FHIT: variants seen among roughly 807,000 people sequenced by gnomAD.
FHIT encodes fragile histidine triad diadenosine triphosphatase.
Under a neutral mutation model 17.9 loss-of-function variants are expected in FHIT, and 19 were observed. That is an observed-to-expected ratio of 1.06 (90% CI 0.74 to 1.56). The LOEUF is 1.56. FHIT is among the 40% of genes most tolerant of loss of function. The pLI is 0.00. For synonymous variants in FHIT, 81 were observed against 69.7 expected (o/e 1.16, Z -0.81); for missense variants, 248 against 189.2 (o/e 1.31, Z -1.82).
At chr3:60,521,508 A>C (rs980088964) in intron 5 of FHIT, among the ~76,000 whole-genome samples, 4 of 152,104 alleles carry the variant, frequency 2.6e-5, no homozygotes, top group African/African-American at 9.7e-5. Context: ...CGGCCTCCCA[A>C]AGTGCTGGGA....
chr3:60,426,330 C>T (rs112115795), intron 5 of FHIT, among the ~76,000 whole-genome samples: 9 of 152,212 alleles, frequency 5.9e-5, no homozygotes, highest in African/African-American at 2.2e-4. Flanking sequence ...ATCTCCATTG[C>T]TCTAAAGTCT....
chr3:60,066,282 T>G (rs1037269790), intron 5 of FHIT, among the ~76,000 whole-genome samples: 1 of 152,200 alleles, frequency 6.6e-6, no homozygotes, highest in Non-Finnish European at 1.5e-5. Flanking sequence ...CTCATTTTTA[T>G]CTTGATACTC....
At position 60,646,242 on chromosome 3, in the gene FHIT, T is replaced by A. The variant is rs567328761; in HGVS notation, c.-17-109263A>T. Among the ~76,000 whole-genome samples, 4 of 152,180 alleles carry A rather than the reference T, an allele frequency of 2.6e-5. No individual in the cohort carries two copies. In the East Asian group the frequency reaches 7.7e-4, roughly 29 times the overall value. On this transcript the variant is annotated intron_variant, in intron 4 of 9. Coordinates refer to ENST00000492590, the MANE Select transcript of FHIT (RefSeq NM_002012.4). Reference sequence around the variant, plus strand: ...AATTCCTACTGGTTATAACCTGAAATGGGAAGTAATACATGGTCAAGAATG... The same window carrying A: ...AATTCCTACTGGTTATAACCTGAAAAGGGAAGTAATACATGGTCAAGAATG...
intron 2 of FHIT, among the ~76,000 whole-genome samples, chr3:61,096,823 A>G (rs2035653467): frequency 6.6e-6 from 1 of 152,188 alleles, no homozygotes. Context: ...TGAGCTGGAA[A>G]AAAGAGGCCG....
chr3:61,209,659 C>G (rs2039388507), intron 1 of FHIT, among the ~76,000 whole-genome samples: 2 of 152,170 alleles, frequency 1.3e-5, no homozygotes, highest in African/African-American at 4.8e-5. Context: ...GTTTTCAGCT[C>G]CATCAAGTCC....
chr3:60,114,338 A>C (rs1704848052), intron 5 of FHIT, among the ~76,000 whole-genome samples: 1 of 151,120 alleles, frequency 6.6e-6, no homozygotes, highest in Non-Finnish European at 1.5e-5. Context: ...ATACACAAAT[A>C]AGCAATAGCA....
chr3:61,093,703 C>A (rs534061512), intron 2 of FHIT, among the ~76,000 whole-genome samples: 25 of 152,172 alleles, frequency 1.6e-4, no homozygotes, highest in Non-Finnish European at 3.2e-4. Context: ...ATTTGAACAA[C>A]GGGCATAATA....
intron 5 of FHIT, among the ~76,000 whole-genome samples, chr3:60,029,402 CAA>C (rs1700888146): frequency 6.6e-6 from 1 of 152,092 alleles, no homozygotes; most frequent in Admixed American, 6.6e-5. Flanking sequence ...AAACCTGTGC[CAA>C]GAACTAGTGT....
Position 60,576,165 on chromosome 3 carries a change from T to TA in FHIT, c.-17-39187dup, listed in dbSNP as rs144852766. Among the ~76,000 whole-genome samples the TA allele has an allele frequency of 5.6e-3, 843 of 151,790 alleles. 3 individuals are homozygous for TA. Among genetic ancestry groups the TA allele is most frequent in the African/African-American group, 0.02 (808 of 41,356 alleles). On this transcript the variant is annotated intron_variant, in intron 4 of 9. Transcript: ENST00000492590. ...AAAGATTACCCAACACAAGGCTGTA[T>TA]AAAAAAGGAAAAAATCAGTTTAAGA...
In FHIT at chr3:60,055,573, A is replaced by C. The variant is rs187043380; in HGVS notation, c.104-41421T>G. ...CTTGCACCAAGAAAAACTGTATTGC[A>C]AACAATGAAGAAAGAAGAGAGGAAA... On this transcript the variant is annotated intron_variant, in intron 5 of 9. Coordinates refer to ENST00000492590, the MANE Select transcript of FHIT (RefSeq NM_002012.4). 5.3e-5 allele frequency among the ~76,000 whole-genome samples: 8 copies of C among 152,230 alleles called. No individual in the cohort carries two copies. The East Asian group carries it at 1.5e-3, about 29-fold the overall frequency.
chr3:59,904,495 G>A (rs574613163), intron 8 of FHIT, among the ~76,000 whole-genome samples: 9 of 152,262 alleles, frequency 5.9e-5, no homozygotes, highest in African/African-American at 2.2e-4. Flanking sequence ...CCCACAATCA[G>A]GAGACAAGTA....
chr3:60,021,812 T>G (rs6784545), intron 5 of FHIT, among the ~76,000 whole-genome samples: 3,524 of 152,302 alleles, frequency 0.023, 146 homozygotes, highest in African/African-American at 0.081. Context: ...AAAACCTCCA[T>G]GTATAATACC....
chr3:60,036,272 C>T (rs191943701), intron 5 of FHIT, among the ~76,000 whole-genome samples: 1 of 152,206 alleles, frequency 6.6e-6, no homozygotes, highest in Non-Finnish European at 1.5e-5. Context: ...TTAGATTCCA[C>T]CTCCTCCTAA....
At chr3:60,916,143 T>C (rs1553767045) in intron 3 of FHIT, among the ~76,000 whole-genome samples, 1 of 152,202 alleles carries the variant, frequency 6.6e-6, no homozygotes, top group African/African-American at 2.4e-5. Context: ...CCATAATTTA[T>C]TTACAGATTC....
Position 61,127,000 on chromosome 3 carries a change from G to A in FHIT, c.-164+73617C>T, listed in dbSNP as rs150199867. Reference sequence around the variant, plus strand: ...CAAGAAAAAAGCAGGAGGAAGGGAGGTCAGAGAACCACAAGCGCGGTGGCA... The same window carrying A: ...CAAGAAAAAAGCAGGAGGAAGGGAGATCAGAGAACCACAAGCGCGGTGGCA... On this transcript the variant is annotated intron_variant, in intron 2 of 9. Coordinates refer to ENST00000492590, the MANE Select transcript of FHIT (RefSeq NM_002012.4). Among the ~76,000 whole-genome samples, 519 of 152,228 alleles carry A rather than the reference G, an allele frequency of 3.4e-3. 3 individuals carry two copies. The highest frequency in any genetic ancestry group is 0.01 in the Middle Eastern group (3 of 294).
intron 5 of FHIT, among the ~76,000 whole-genome samples, chr3:60,523,542 G>A (rs1667073771): frequency 6.6e-6 from 1 of 152,136 alleles, no homozygotes; most frequent in South Asian, 2.1e-4. Context: ...AAGGCAACCT[G>A]TATGCATGGG....
intron 4 of FHIT, among the ~76,000 whole-genome samples, chr3:60,642,475 C>CCA (rs111503319): frequency 6.6e-6 from 1 of 151,864 alleles, no homozygotes; most frequent in Non-Finnish European, 1.5e-5. Context: ...GATTCTTTAC[C>CCA]CACACACACA....
intron 5 of FHIT, among the ~76,000 whole-genome samples, chr3:60,255,969 AT>A (rs1430655804): frequency 1.3e-5 from 2 of 152,214 alleles, no homozygotes; most frequent in Non-Finnish European, 2.9e-5. Flanking sequence ...AACACTTGAA[AT>A]TAGTAAACTG....
intron 5 of FHIT, among the ~76,000 whole-genome samples, chr3:60,260,352 T>TAAAAAAAAAAA (rs761494437): frequency 7.2e-6 from 1 of 138,322 alleles, no homozygotes; most frequent in African/African-American, 2.7e-5. Context: ...TGACTAAATT[T>TAAAAAAAAAAA]AAAAAAAAAA....
Sources: gnomAD v4.1 joint callset for allele counts (sites outside exome capture counted in the v4.1 genomes callset) on GRCh38, gnomAD v4.1.1 for gene constraint, MANE v1.5 for transcripts, NCBI Gene and HGNC (gene_info 2026-07-23, HGNC 2026-07-21) for gene names.